CPA6: variants seen among roughly 807,000 people sequenced by gnomAD.
CPA6 encodes the protein carboxypeptidase A6.
In CPA6, 58 loss-of-function variants were observed where a neutral mutation model predicts 63.3. That is an observed-to-expected ratio of 0.92 (90% CI 0.74 to 1.14). The LOEUF is 1.14. Ranked by LOEUF, CPA6 falls within the 50% of genes most tolerant of loss-of-function variation. The probability of loss-of-function intolerance (pLI) is 0.00; values close to 1 mark genes in which losing one functional copy is unlikely to be tolerated. For synonymous variants in CPA6, 185 were observed against 179.0 expected (o/e 1.03, Z -0.27); for missense variants, 565 against 526.6 (o/e 1.07, Z -0.71).
chr8:67,578,289 T>C (rs1158824494), intron 2 of CPA6, among the ~76,000 whole-genome samples: 1 of 152,180 alleles, frequency 6.6e-6, no homozygotes, highest in African/African-American at 2.4e-5. Context: ...AATAATGCAG[T>C]ATATCAGCTG....
At chr8:67,461,318 C>T (rs1295121209) in intron 8 of CPA6, among the ~76,000 whole-genome samples, 4 of 145,312 alleles carry the variant, frequency 2.8e-5, no homozygotes, top group Admixed American at 1.4e-4. Flanking sequence ...CTTGCACCGC[C>T]CTTAATCCAT....
At chr8:67,496,324 A>G (rs1587491904) in intron 6 of CPA6, among the ~76,000 whole-genome samples, 2 of 152,122 alleles carry the variant, frequency 1.3e-5, no homozygotes, top group East Asian at 3.9e-4. Context: ...AATGCTAAAA[A>G]TGTGGTGATC....
At chr8:67,741,458 C>G (rs10093118) in intron 1 of CPA6, among the ~76,000 whole-genome samples, 5,567 of 152,176 alleles carry the variant, frequency 0.037, 297 homozygotes, top group African/African-American at 0.12. Flanking sequence ...GGCCACAGAC[C>G]GGTTCCAGTT....
chr8:67,746,135 T>TA lies in CPA6; in HGVS notation c.-7dup, dbSNP rs1342570514. ...CGCTTCCCGAGACACTTCATAGTGTTAAGAAGAGAGGAGTTGAAAGTTACT... is the reference window on the plus strand; with the variant it reads ...CGCTTCCCGAGACACTTCATAGTGTTAAAGAAGAGAGGAGTTGAAAGTTACT... On this transcript the variant is annotated 5_prime_UTR_variant, in exon 1 of 11. Transcript: ENST00000297770. 1 of 1,606,624 alleles carries TA rather than the reference T, an allele frequency of 6.2e-7. No homozygotes were observed. The highest frequency in any genetic ancestry group is 1.7e-5 in the Admixed American group (1 of 59,486).
chr8:67,591,402 G>GT (rs1330393200), intron 2 of CPA6, among the ~76,000 whole-genome samples: 3 of 152,170 alleles, frequency 2.0e-5, no homozygotes, highest in East Asian at 3.9e-4. Context: ...CTTTAAAGTA[G>GT]TTTTTTCTAA....
At chr8:67,647,273 A>T (rs999126791) in intron 1 of CPA6, among the ~76,000 whole-genome samples, 11 of 152,028 alleles carry the variant, frequency 7.2e-5, no homozygotes, top group African/African-American at 2.4e-4. Context: ...AGCAAATATC[A>T]AGCTCCTTTT....
chr8:67,526,704 C>T (rs921673981), intron 2 of CPA6, among the ~76,000 whole-genome samples: 1 of 152,134 alleles, frequency 6.6e-6, no homozygotes, highest in Non-Finnish European at 1.5e-5. Flanking sequence ...GAGGAAGATG[C>T]AGGCCTGTGC....
intron 8 of CPA6, among the ~76,000 whole-genome samples, chr8:67,481,858 G>T (rs1017265076): frequency 6.6e-6 from 1 of 152,156 alleles, no homozygotes; most frequent in Non-Finnish European, 1.5e-5. Context: ...CCTGCCTATC[G>T]GATCAGCTGA....
intron 2 of CPA6, among the ~76,000 whole-genome samples, chr8:67,521,024 C>T (rs1380710322): frequency 6.6e-6 from 1 of 152,354 alleles, no homozygotes; most frequent in East Asian, 1.9e-4. Context: ...GGCCTGATCA[C>T]ATCTGGATGA....
chr8:67,592,098 G>T (rs533312625), intron 2 of CPA6, among the ~76,000 whole-genome samples: 4 of 152,012 alleles, frequency 2.6e-5, no homozygotes, highest in African/African-American at 9.7e-5. Flanking sequence ...TAGCTTGAAG[G>T]GTTGTTGAAT....
chr8:67,495,477 T>G (rs1241485280), intron 6 of CPA6, among the ~76,000 whole-genome samples: 1 of 152,192 alleles, frequency 6.6e-6, no homozygotes, highest in East Asian at 1.9e-4. Flanking sequence ...TGAATGAATA[T>G]CTGCTTTGAA....
intron 2 of CPA6, among the ~76,000 whole-genome samples, chr8:67,592,378 G>T (rs1432172479): frequency 3.3e-5 from 5 of 152,112 alleles, no homozygotes. Context: ...CCACACTTTG[G>T]TATCAGGATG....
intron 6 of CPA6, among the ~76,000 whole-genome samples, chr8:67,493,133 G>A (rs1436744300): frequency 2.0e-5 from 3 of 152,168 alleles, no homozygotes; most frequent in South Asian, 2.1e-4. Flanking sequence ...GAACTCATTA[G>A]ATACTTGATC....
chr8:67,505,642 A>G (rs1262217306), intron 6 of CPA6, among the ~76,000 whole-genome samples: 7 of 152,200 alleles, frequency 4.6e-5, no homozygotes, highest in Non-Finnish European at 1.0e-4. Flanking sequence ...TAGTGTTTCA[A>G]GAGAATGCAA....
At chr8:67,682,247 G>A (rs923595751) in intron 1 of CPA6, among the ~76,000 whole-genome samples, 3 of 151,702 alleles carry the variant, frequency 2.0e-5, no homozygotes, top group Non-Finnish European at 2.9e-5. Flanking sequence ...TGTGTATTTC[G>A]GGTAAGATAG....
intron 1 of CPA6, among the ~76,000 whole-genome samples, chr8:67,745,001 A>C (rs773335439): frequency 1.3e-5 from 2 of 152,140 alleles, no homozygotes. Context: ...AGAGAAATAC[A>C]ATTCTCTTTT....
At chr8:67,579,158 C>CGAAGTAG (rs1295362330) in intron 2 of CPA6, among the ~76,000 whole-genome samples, 135 of 152,338 alleles carry the variant, frequency 8.9e-4, no homozygotes, top group African/African-American at 3.0e-3. Context: ...CGCCTGTAAT[C>CGAAGTAG]CCAGCACTTT....
At chr8:67,616,010 G>T (rs533861411) in intron 2 of CPA6, among the ~76,000 whole-genome samples, 1 of 152,286 alleles carries the variant, frequency 6.6e-6, no homozygotes, top group African/African-American at 2.4e-5. Context: ...AGAAGTGTTA[G>T]GCAGGGAGGT....
chr8:67,500,848 A>G (rs1223727648), intron 6 of CPA6, among the ~76,000 whole-genome samples: 1 of 150,934 alleles, frequency 6.6e-6, no homozygotes, highest in Admixed American at 6.6e-5. Context: ...TTGGTTTTGC[A>G]TTTTTGTCAA....
Sources: allele counts gnomAD v4.1 joint callset (sites outside exome capture counted in the v4.1 genomes callset), GRCh38; gene constraint gnomAD v4.1.1; transcripts MANE v1.5; gene names NCBI Gene and HGNC (gene_info 2026-07-23, HGNC 2026-07-21).